The following TRPS1 variants were observed in gnomAD, a reference collection of about 807,000 sequenced individuals.
TRPS1 encodes the protein zinc finger transcription factor Trps1.
In TRPS1, 6 loss-of-function variants were observed where a neutral mutation model predicts 101.2. The ratio of observed to expected loss-of-function variants is 0.06; its 90% CI spans 0.03 to 0.12. The LOEUF (loss-of-function observed/expected upper bound fraction) is 0.12. TRPS1 is among the 10% of genes least tolerant of loss of function. The pLI, the probability that TRPS1 is intolerant of heterozygous loss-of-function variation, is 1.00. For synonymous variants in TRPS1, 578 were observed against 589.8 expected (o/e 0.98, Z 0.29); for missense variants, 1,363 against 1,567.0 (o/e 0.87, Z 2.20).
In TRPS1 at chr8:115,518,162, C is replaced by A. The variant is rs1815768068; in HGVS notation, c.2700+68839G>T. 3.3e-5 allele frequency among the ~76,000 whole-genome samples: 5 copies of A among 151,814 alleles called. No individual in the cohort carries two copies. The South Asian group carries it at 6.2e-4, about 19-fold the overall frequency. On this transcript the variant is annotated intron_variant, in intron 5 of 6. Transcript: ENST00000395715. The stretch of plus-strand genomic sequence containing the variant: ...GTTAGCTAATGAAAACAAATCCAAA[C>A]CTTACAGTATGTATGTAAGAAATTT...
At chr8:115,447,250 C>T (rs546681981) in intron 5 of TRPS1, among the ~76,000 whole-genome samples, 2 of 152,116 alleles carry the variant, frequency 1.3e-5, no homozygotes, top group African/African-American at 4.8e-5. Flanking sequence ...TCCAAAGGAG[C>T]TTAGTCATGT....
At position 115,564,658 on chromosome 8, in the gene TRPS1, T is replaced by C. The variant is rs1023947852; in HGVS notation, c.2700+22343A>G. 2.2e-4 allele frequency among the ~76,000 whole-genome samples: 34 copies of C among 152,078 alleles called. 1 individual carries two copies. The highest frequency in any genetic ancestry group is 4.4e-5 in the Non-Finnish European group (3 of 67,996). ...CCGTATGGGCCGCCAATTATTTCTT[T>C]CCAGTTTCTGTTGCCAAAATGCTGA... On this transcript the variant is annotated intron_variant, in intron 5 of 6. Transcript: ENST00000395715.
chr8:115,480,727 A>T (rs1458538313), intron 5 of TRPS1, among the ~76,000 whole-genome samples: 1 of 152,096 alleles, frequency 6.6e-6, no homozygotes, highest in African/African-American at 2.4e-5. Flanking sequence ...CAAGTTTTAA[A>T]ATAGAAAGCT....
At chr8:115,483,427 G>C (rs1031907684) in intron 5 of TRPS1, among the ~76,000 whole-genome samples, 1 of 151,544 alleles carries the variant, frequency 6.6e-6, no homozygotes, top group African/African-American at 2.4e-5. Flanking sequence ...CAGCTAACTT[G>C]GGAGGCTGAT....
intron 3 of TRPS1, among the ~76,000 whole-genome samples, chr8:115,610,412 G>A (rs998244530): frequency 2.0e-5 from 3 of 152,132 alleles, no homozygotes; most frequent in Non-Finnish European, 4.4e-5. Flanking sequence ...CTAGAATATA[G>A]AGTGTGCTTC....
chr8:115,458,257 G>A (rs973778621), intron 5 of TRPS1, among the ~76,000 whole-genome samples: 2 of 152,124 alleles, frequency 1.3e-5, no homozygotes, highest in Non-Finnish European at 2.9e-5. Context: ...GCACCATTGA[G>A]CTGCTCAGAA....
chr8:115,415,386 G>A (rs774629562), intron 6 of TRPS1, among the ~76,000 whole-genome samples: 1 of 151,944 alleles, frequency 6.6e-6, no homozygotes, highest in African/African-American at 2.4e-5. Context: ...GTGATGAAAC[G>A]GTGTAGAAAG....
chr8:115,646,497 A>G (rs1368319139), intron 1 of TRPS1, among the ~76,000 whole-genome samples: 1 of 152,206 alleles, frequency 6.6e-6, no homozygotes, highest in Non-Finnish European at 1.5e-5. Flanking sequence ...CAAAGTGCTC[A>G]AATTATAGAA....
intron 5 of TRPS1, among the ~76,000 whole-genome samples, chr8:115,517,987 C>G (rs1212796332): frequency 6.6e-6 from 1 of 150,930 alleles, no homozygotes; most frequent in African/African-American, 2.4e-5. Context: ...GTTCAGCAAG[C>G]CGCTCTGGTG....
At chr8:115,642,110 A>T (rs1387824186) in intron 1 of TRPS1, among the ~76,000 whole-genome samples, 1 of 152,060 alleles carries the variant, frequency 6.6e-6, no homozygotes, top group Non-Finnish European at 1.5e-5. Context: ...GCTATTTAGG[A>T]GGCTGAGGCT....
intron 4 of TRPS1, among the ~76,000 whole-genome samples, chr8:115,594,813 T>C (rs75491909): frequency 0.016 from 2,485 of 151,996 alleles, 58 homozygotes; most frequent in African/African-American, 0.057. Context: ...AGCTAAAAGA[T>C]GCTACTCCTT....
At chr8:115,627,871 T>G (rs1336317121) in intron 1 of TRPS1, among the ~76,000 whole-genome samples, 1 of 151,704 alleles carries the variant, frequency 6.6e-6, no homozygotes. Context: ...ATATACAGTA[T>G]AGTGAATCTA....
intron 2 of TRPS1, among the ~76,000 whole-genome samples, chr8:115,622,051 G>C (rs575423494): frequency 6.6e-6 from 1 of 152,296 alleles, no homozygotes; most frequent in South Asian, 2.1e-4. Flanking sequence ...TAGGATGGAA[G>C]AGTGAAGTTT....
intron 5 of TRPS1, among the ~76,000 whole-genome samples, chr8:115,504,182 TCTTA>T (rs1048528721): frequency 6.6e-6 from 1 of 152,152 alleles, no homozygotes; most frequent in African/African-American, 2.4e-5. Flanking sequence ...ATGTATTACA[TCTTA>T]CTTAGACTAT....
intron 1 of TRPS1, among the ~76,000 whole-genome samples, chr8:115,665,348 T>A (rs567507004): frequency 1.3e-5 from 2 of 152,228 alleles, no homozygotes; most frequent in Non-Finnish European, 2.9e-5. Flanking sequence ...GTGGGTTGTA[T>A]GTCTGTACAC....
intron 4 of TRPS1, 106 bp from the exon 5 acceptor site, chr8:115,587,710 T>A (rs960422354): frequency 1.3e-6 from 2 of 1,573,346 alleles, no homozygotes; most frequent in Middle Eastern, 2.3e-4. Context: ...TGCAATATAG[T>A]AGGTAGAAAG....
At chr8:115,624,210 G>T (rs189063699) in intron 1 of TRPS1, among the ~76,000 whole-genome samples, 1 of 151,996 alleles carries the variant, frequency 6.6e-6, no homozygotes, top group East Asian at 1.9e-4. Flanking sequence ...CTACTACATA[G>T]CAATATCCTT....
chr8:115,535,523 G>A (rs971443184), intron 5 of TRPS1, among the ~76,000 whole-genome samples: 44 of 147,478 alleles, frequency 3.0e-4, no homozygotes, highest in African/African-American at 9.6e-4. Flanking sequence ...TATATATAGC[G>A]CATATATAGC....
chr8:115,509,888 C>G (rs747059470), intron 5 of TRPS1, among the ~76,000 whole-genome samples: 8 of 152,012 alleles, frequency 5.3e-5, no homozygotes, highest in South Asian at 4.1e-4. Context: ...CCTGGAAGTA[C>G]TCATTCTTCA....
Sources: gnomAD v4.1 joint callset for allele counts (sites outside exome capture counted in the v4.1 genomes callset) on GRCh38, gnomAD v4.1.1 for gene constraint, MANE v1.5 for transcripts, NCBI Gene and HGNC (gene_info 2026-07-23, HGNC 2026-07-21) for gene names.